MAGI2: variants seen among roughly 807,000 people sequenced by gnomAD.
MAGI2 encodes membrane-associated guanylate kinase, WW and PDZ domain-containing protein 2.
A neutral mutation model predicts 133.3 loss-of-function variants in MAGI2; 35 were observed. The ratio of observed to expected loss-of-function variants is 0.26; its 90% CI spans 0.20 to 0.35. The LOEUF (loss-of-function observed/expected upper bound fraction) is 0.35, where lower values mean the gene tolerates loss of function less well. Among genes scored for constraint, MAGI2 ranks in the 10% least tolerant of loss-of-function variants. MAGI2 has a pLI of 1.00. For missense variants in MAGI2, 1,636 were observed against 1,863.4 expected (o/e 0.88, Z 2.25); for synonymous variants, 729 against 710.6 (o/e 1.03, Z -0.41).
intron 16 of MAGI2, among the ~76,000 whole-genome samples, chr7:78,147,945 G>A (rs1823481503): frequency 6.6e-6 from 1 of 151,842 alleles, no homozygotes; most frequent in African/African-American, 2.4e-5. Flanking sequence ...CACAAGGATA[G>A]GAAGCATCTG....
intron 1 of MAGI2, among the ~76,000 whole-genome samples, chr7:79,338,958 C>T (rs1000976950): frequency 6.6e-6 from 1 of 152,028 alleles, no homozygotes; most frequent in Admixed American, 6.6e-5. Context: ...TATTAGCTAC[C>T]AAAAGTCAGT....
intron 2 of MAGI2, among the ~76,000 whole-genome samples, chr7:78,946,348 A>G (rs904374748): frequency 6.6e-6 from 1 of 152,200 alleles, no homozygotes; most frequent in African/African-American, 2.4e-5. Context: ...TATCACATAC[A>G]AAAGAAAATT....
intron 1 of MAGI2, chr7:79,343,429 G>A (rs1458714116): frequency 1.3e-5 from 2 of 151,920 alleles, no homozygotes; most frequent in Non-Finnish European, 2.9e-5. Flanking sequence ...AGCTATCTAT[G>A]TATTTCACAG....
At chr7:79,268,742 C>T (rs1364437406) in intron 1 of MAGI2, among the ~76,000 whole-genome samples, 1 of 152,074 alleles carries the variant, frequency 6.6e-6, no homozygotes, top group Non-Finnish European at 1.5e-5. Flanking sequence ...ATGGCAAGTG[C>T]CTGAGTTTAG....
chr7:78,895,481 T>A (rs976440768), intron 2 of MAGI2, among the ~76,000 whole-genome samples: 1 of 151,852 alleles, frequency 6.6e-6, no homozygotes, highest in Non-Finnish European at 1.5e-5. Context: ...CTAGGGCACA[T>A]GTTAACCAGA....
chr7:79,362,584 G>A (rs1042225813), intron 1 of MAGI2, among the ~76,000 whole-genome samples: 6 of 151,898 alleles, frequency 4.0e-5, no homozygotes, highest in Admixed American at 2.0e-4. Context: ...AAAAATATGT[G>A]TATACCATTA....
chr7:78,924,178 C>T (rs1185815276), intron 2 of MAGI2, among the ~76,000 whole-genome samples: 1 of 152,040 alleles, frequency 6.6e-6, no homozygotes, highest in Non-Finnish European at 1.5e-5. Flanking sequence ...TAATTGAATA[C>T]CCTTTATTTC....
intron 21 of MAGI2, among the ~76,000 whole-genome samples, chr7:78,035,615 T>C (rs1305711354): frequency 6.6e-6 from 1 of 152,186 alleles, no homozygotes; most frequent in African/African-American, 2.4e-5. Context: ...TCAGCCCTTG[T>C]TTCCTTAAAG....
chr7:78,207,278 C>A (rs892564090), intron 10 of MAGI2, among the ~76,000 whole-genome samples: 3 of 151,954 alleles, frequency 2.0e-5, no homozygotes, highest in Non-Finnish European at 2.9e-5. Context: ...TTCACATTCT[C>A]ACTACATTTC....
chr7:78,320,148 G>C (rs1475676791), intron 9 of MAGI2, among the ~76,000 whole-genome samples: 1 of 152,058 alleles, frequency 6.6e-6, no homozygotes, highest in Non-Finnish European at 1.5e-5. Context: ...CAACCAAAAA[G>C]AGTCCAGGAC....
At chr7:79,068,568 T>C (rs1226317927) in intron 1 of MAGI2, among the ~76,000 whole-genome samples, 1 of 152,088 alleles carries the variant, frequency 6.6e-6, no homozygotes, top group African/African-American at 2.4e-5. Context: ...TTTTGAAGGG[T>C]TTTTTGTGTG....
At chr7:78,502,021 G>A (rs977778225) in intron 4 of MAGI2, among the ~76,000 whole-genome samples, 1 of 152,128 alleles carries the variant, frequency 6.6e-6, no homozygotes, top group Non-Finnish European at 1.5e-5. Context: ...AGGTTTAAAG[G>A]ATGTAATGTA....
At chr7:78,840,419 G>T (rs1462210179) in intron 2 of MAGI2, among the ~76,000 whole-genome samples, 1 of 151,990 alleles carries the variant, frequency 6.6e-6, no homozygotes, top group Non-Finnish European at 1.5e-5. Flanking sequence ...GATTCCTAGA[G>T]CCCAGCCTCA....
intron 6 of MAGI2, among the ~76,000 whole-genome samples, chr7:78,411,716 G>A (rs1797887958): frequency 1.3e-5 from 2 of 152,068 alleles, no homozygotes; most frequent in East Asian, 3.9e-4. Flanking sequence ...ATTAGAACAT[G>A]GATAAGTTTA....
intron 1 of MAGI2, among the ~76,000 whole-genome samples, chr7:79,447,295 T>A (rs554766209): frequency 2.0e-5 from 3 of 152,268 alleles, no homozygotes; most frequent in Admixed American, 1.3e-4. Context: ...CTATATAAGA[T>A]AATTTACTTT....
intron 10 of MAGI2, among the ~76,000 whole-genome samples, chr7:78,209,038 C>T (rs1466563845): frequency 8.2e-5 from 12 of 147,208 alleles, no homozygotes; most frequent in East Asian, 2.1e-4. Flanking sequence ...TGGGCTAACA[C>T]GGTGAAACCC....
At chr7:79,250,564 A>G (rs1302059055) in intron 1 of MAGI2, among the ~76,000 whole-genome samples, 2 of 152,208 alleles carry the variant, frequency 1.3e-5, no homozygotes, top group Non-Finnish European at 2.9e-5. Flanking sequence ...AACAATCTGT[A>G]CAAGAAAAAC....
At chr7:79,364,687 T>C (rs758118840) in intron 1 of MAGI2, among the ~76,000 whole-genome samples, 13 of 151,940 alleles carry the variant, frequency 8.6e-5, no homozygotes, top group Admixed American at 5.2e-4. Context: ...AGCAATTCAG[T>C]GGAGGAAGAA....
intron 2 of MAGI2, among the ~76,000 whole-genome samples, chr7:78,974,824 T>C (rs920361248): frequency 8.6e-5 from 13 of 151,742 alleles, no homozygotes; most frequent in African/African-American, 3.1e-4. Flanking sequence ...AAGAACATCA[T>C]CCACCTAACC....
Sources: gnomAD v4.1 joint callset for allele counts (sites outside exome capture counted in the v4.1 genomes callset) on GRCh38, gnomAD v4.1.1 for gene constraint, MANE v1.5 for transcripts, NCBI Gene and HGNC (gene_info 2026-07-23, HGNC 2026-07-21) for gene names.